The following ASPRV1 variants were observed in gnomAD, a reference collection of about 807,000 sequenced individuals.
The protein encoded by ASPRV1 is aspartic peptidase retroviral like 1.
A neutral mutation model predicts 11.0 loss-of-function variants in ASPRV1; 7 were observed. That is an observed-to-expected ratio of 0.64 (90% CI 0.36 to 1.20). The LOEUF (loss-of-function observed/expected upper bound fraction) is 1.20. ASPRV1 is among the 50% of genes most tolerant of loss of function. ASPRV1 has a pLI of 0.02. For missense variants in ASPRV1, 299 were observed against 320.0 expected (o/e 0.93, Z 0.50); for synonymous variants, 136 against 138.4 (o/e 0.98, Z 0.12).
the ASPRV1 span, among the ~76,000 whole-genome samples, chr2:69,990,186 T>C: frequency 2.0e-5 from 3 of 152,234 alleles, no homozygotes; most frequent in Admixed American, 6.5e-5. Flanking sequence ...GTATTTTTAT[T>C]TTATTTTATT....
the ASPRV1 span, among the ~76,000 whole-genome samples, chr2:70,021,632 C>T: frequency 4.7e-5 from 7 of 149,404 alleles, no homozygotes; most frequent in African/African-American, 1.7e-4. Flanking sequence ...TGAATAAATT[C>T]TAGATATCTG....
At chr2:69,956,483 G>GAA (rs1677944100), downstream of ASPRV1, among the ~76,000 whole-genome samples, 1 of 107,908 alleles carries the variant, frequency 9.3e-6, no homozygotes, top group Admixed American at 9.3e-5. Flanking sequence ...GAAGAAAAGA[G>GAA]GAAGAAGAAG....
chr2:69,970,489 C>T, the ASPRV1 span, among the ~76,000 whole-genome samples: 7 of 152,142 alleles, frequency 4.6e-5, no homozygotes. Context: ...TACCTTTTCA[C>T]AAGCCACTCA....
chr2:70,075,017 G>A, the ASPRV1 span: 1 of 151,692 alleles, frequency 6.6e-6, no homozygotes, highest in African/African-American at 2.4e-5. Context: ...GGGAGGCTGA[G>A]GCAGGAGAAT....
chr2:70,039,207 T>G, the ASPRV1 span, among the ~76,000 whole-genome samples: 1 of 152,220 alleles, frequency 6.6e-6, no homozygotes, highest in Non-Finnish European at 1.5e-5. Flanking sequence ...GTTGCTTACT[T>G]TGTTGCAATG....
the ASPRV1 span, chr2:70,030,972 T>C: frequency 6.6e-6 from 1 of 152,084 alleles, no homozygotes. Context: ...AATCAAAATA[T>C]TACATAAACA....
the ASPRV1 span, chr2:69,935,501 C>A: frequency 7.1e-7 from 1 of 1,404,800 alleles, no homozygotes; most frequent in African/African-American, 1.4e-5. Flanking sequence ...TTATCTTTAC[C>A]TGTTCAGTGA....
At chr2:69,941,883 C>CACAT in the ASPRV1 span, 5 of 152,092 alleles carry the variant, frequency 3.3e-5, no homozygotes, top group African/African-American at 1.2e-4. Context: ...CACACACACA[C>CACAT]ACATATTATT....
the ASPRV1 span, among the ~76,000 whole-genome samples, chr2:70,054,461 T>G: frequency 2.0e-5 from 3 of 150,780 alleles, no homozygotes; most frequent in Non-Finnish European, 4.4e-5. Flanking sequence ...GCGCCTGTAG[T>G]CCCAGCTACT....
upstream of ASPRV1, chr2:69,963,199 C>A (rs1275199747): frequency 2.2e-6 from 1 of 449,420 alleles, no homozygotes; most frequent in South Asian, 1.6e-5. Flanking sequence ...TGGGTCAACA[C>A]CTCTCATCAC....
the ASPRV1 span, among the ~76,000 whole-genome samples, chr2:69,945,387 C>A: frequency 6.6e-6 from 1 of 152,228 alleles, no homozygotes; most frequent in Non-Finnish European, 1.5e-5. Flanking sequence ...AGGGTCTCTG[C>A]AGGAAGTATT....
chr2:70,009,710 G>A, the ASPRV1 span, among the ~76,000 whole-genome samples: 1 of 152,192 alleles, frequency 6.6e-6, no homozygotes, highest in South Asian at 2.1e-4. Flanking sequence ...CTGTCTAGTT[G>A]GCTGGTGGGC....
At chr2:70,035,868 A>G in the ASPRV1 span, among the ~76,000 whole-genome samples, 1 of 151,540 alleles carries the variant, frequency 6.6e-6, no homozygotes, top group South Asian at 2.1e-4. Context: ...TGACTTCACA[A>G]AATTTTTTTT....
downstream of ASPRV1, among the ~76,000 whole-genome samples, chr2:69,955,206 G>C (rs12617061): frequency 0.16 from 25,037 of 151,782 alleles, 2,563 homozygotes; most frequent in East Asian, 0.29. Context: ...TAGAGGACCA[G>C]GTGGGCAGAC....
At chr2:69,957,020 A>G (rs559078641), downstream of ASPRV1, among the ~76,000 whole-genome samples, 1 of 152,332 alleles carries the variant, frequency 6.6e-6, no homozygotes, top group African/African-American at 2.4e-5. Flanking sequence ...ACTAAATGCA[A>G]TATGTAGCTG....
the ASPRV1 span, chr2:69,935,331 C>T: frequency 5.7e-6 from 9 of 1,574,168 alleles, no homozygotes; most frequent in Non-Finnish European, 7.9e-6. Flanking sequence ...TCAAATGCTA[C>T]TGTGGTCTTG....
At chr2:69,995,432 T>C in the ASPRV1 span, 1 of 151,592 alleles carries the variant, frequency 6.6e-6, no homozygotes, top group Admixed American at 6.6e-5. Context: ...TATGTATCCA[T>C]ACATTGAGGT....
the ASPRV1 span, among the ~76,000 whole-genome samples, chr2:69,997,188 A>T: frequency 3.0e-3 from 109 of 36,412 alleles, 1 homozygote; most frequent in African/African-American, 8.6e-3. Flanking sequence ...CCAGTCTATT[A>T]AAAAAAAAAA....
chr2:70,077,816 T>C, the ASPRV1 span, among the ~76,000 whole-genome samples: 5 of 150,334 alleles, frequency 3.3e-5, no homozygotes, highest in Admixed American at 6.6e-5. Context: ...GACGACGCCA[T>C]TGCACTCCAG....
Sources: allele counts gnomAD v4.1 joint callset (sites outside exome capture counted in the v4.1 genomes callset), GRCh38; gene constraint gnomAD v4.1.1; transcripts MANE v1.5; gene names NCBI Gene and HGNC (gene_info 2026-07-23, HGNC 2026-07-21).